Variants in MMP16 observed in about 807,000 individuals in gnomAD.
MMP16 encodes the protein matrix metalloproteinase-16.
MMP16 carries 12 observed loss-of-function variants against 67.8 expected under a neutral mutation model. That is an observed-to-expected ratio of 0.18 (90% CI 0.11 to 0.29). MMP16 has a LOEUF of 0.29. Ranked by LOEUF, MMP16 falls within the 10% of genes least tolerant of loss-of-function variation. The pLI is 1.00. For missense variants in MMP16, 475 were observed against 765.7 expected, an observed-to-expected ratio of 0.62 and a Z score of 4.48; for synonymous variants, 249 against 255.9, an observed-to-expected ratio of 0.97 and a Z score of 0.26.
chr8:88,164,020 G>T (rs529896894), intron 4 of MMP16, among the ~76,000 whole-genome samples: 2 of 152,068 alleles, frequency 1.3e-5, no homozygotes, highest in Admixed American at 1.3e-4. Context: ...TTTTCAAAAG[G>T]TATGACTATT....
intron 1 of MMP16, among the ~76,000 whole-genome samples, chr8:88,264,331 C>A (rs1272112749): frequency 3.9e-5 from 6 of 152,094 alleles, no homozygotes; most frequent in Non-Finnish European, 2.9e-5. Context: ...TCCCAAGTAC[C>A]TGGGACTGCA....
intron 1 of MMP16, among the ~76,000 whole-genome samples, chr8:88,313,057 T>C (rs75909341): frequency 0.13 from 20,460 of 152,272 alleles, 1,850 homozygotes; most frequent in African/African-American, 0.23. Flanking sequence ...CTCTTTTTAA[T>C]GGGCTTTGTT....
intron 9 of MMP16, among the ~76,000 whole-genome samples, chr8:88,043,781 G>A (rs758069273): frequency 2.0e-5 from 3 of 152,150 alleles, no homozygotes; most frequent in South Asian, 2.1e-4. Context: ...TTTTTCAGCC[G>A]AGAGTTGGTA....
intron 1 of MMP16, among the ~76,000 whole-genome samples, chr8:88,233,513 T>C (rs562064669): frequency 5.8e-4 from 89 of 152,344 alleles, no homozygotes; most frequent in Non-Finnish European, 9.3e-4. Flanking sequence ...AGTTCCTTGA[T>C]GGTCAGATCT....
intron 4 of MMP16, among the ~76,000 whole-genome samples, chr8:88,156,397 T>C (rs1808509642): frequency 6.6e-6 from 1 of 152,042 alleles, no homozygotes; most frequent in African/African-American, 2.4e-5. Context: ...ATCTCCACTG[T>C]GGATTATAAT....
rs1400226351 is a variant in MMP16, at chr8:88,167,883, C to T, written c.495G>A (p.Leu165=). 6.2e-7 allele frequency: 1 copy of T among 1,614,004 alleles called. No individual in the cohort carries two copies. The change falls in exon 4 of 10, where the codon CTG becomes CTA. Residue 165 remains leucine (L), a synonymous_variant. Coordinates refer to ENST00000286614, the MANE Select transcript of MMP16 (RefSeq NM_005941.5). ...AFDVWQNVTP[L]TFEEVPYSEL... is the part of the protein sequence containing the mutation. ...CACTGTAGGGAACTTCTTCAAATGT[C>T]AGAGGAGTTACATTCTGCCACACAT... is the stretch of plus-strand genomic sequence containing the variant.
chr8:88,190,604 C>T (rs1355684807), intron 2 of MMP16, among the ~76,000 whole-genome samples: 1 of 152,016 alleles, frequency 6.6e-6, no homozygotes, highest in Non-Finnish European at 1.5e-5. Flanking sequence ...TTGTTAGGCA[C>T]CAAAATGTTA....
intron 3 of MMP16, among the ~76,000 whole-genome samples, chr8:88,176,990 T>C (rs893123079): frequency 6.6e-6 from 1 of 152,234 alleles, no homozygotes; most frequent in African/African-American, 2.4e-5. Flanking sequence ...CAAACTTTCA[T>C]TATATTAAGT....
Position 88,069,962 on chromosome 8 carries a change from G to A in MMP16, c.1222+4643C>T, listed in dbSNP as rs1416046542. Among the ~76,000 whole-genome samples the A allele has an allele frequency of 2.0e-5, 3 of 152,030 alleles. No homozygotes were observed. The East Asian group carries it at 5.8e-4, about 29-fold the overall frequency. ...TTTGAGAGACACACTTACCAATTCT[G>A]GAAGCTTTTTGATTGACTGCAATCC... is the stretch of plus-strand genomic sequence containing the variant. On this transcript the variant is annotated intron_variant, in intron 7 of 9. Coordinates refer to ENST00000286614, the MANE Select transcript of MMP16 (RefSeq NM_005941.5).
chr8:88,244,859 A>T (rs1245014013), intron 1 of MMP16, among the ~76,000 whole-genome samples: 1 of 152,162 alleles, frequency 6.6e-6, no homozygotes, highest in Non-Finnish European at 1.5e-5. Context: ...CTCAGTTGAT[A>T]TTACTCAGAT....
chr8:88,082,205 C>T (rs1272867557), intron 6 of MMP16, among the ~76,000 whole-genome samples: 1 of 151,786 alleles, frequency 6.6e-6, no homozygotes, highest in African/African-American at 2.4e-5. Context: ...GGGAAAGATA[C>T]TCAACTTCAC....
At chr8:88,132,844 T>C (rs1808055233) in intron 4 of MMP16, among the ~76,000 whole-genome samples, 1 of 151,926 alleles carries the variant, frequency 6.6e-6, no homozygotes, top group Admixed American at 6.6e-5. Context: ...GTAACAATAG[T>C]GAATGCTACC....
intron 4 of MMP16, among the ~76,000 whole-genome samples, chr8:88,159,733 G>A (rs1563549610): frequency 6.6e-6 from 1 of 152,024 alleles, no homozygotes; most frequent in East Asian, 1.9e-4. Flanking sequence ...AATTCTTCTA[G>A]TTTTTGCCCA....
chr8:88,074,944 C>T (rs1808622529), intron 6 of MMP16, among the ~76,000 whole-genome samples: 1 of 152,128 alleles, frequency 6.6e-6, no homozygotes, highest in South Asian at 2.1e-4. Flanking sequence ...CTAAGCCATA[C>T]AGTGTGATTT....
intron 1 of MMP16, among the ~76,000 whole-genome samples, chr8:88,229,927 A>G (rs1809832583): frequency 6.6e-6 from 1 of 152,116 alleles, no homozygotes; most frequent in African/African-American, 2.4e-5. Flanking sequence ...ATTTTATCTT[A>G]TTTCTTCACC....
At chr8:88,081,403 C>T (rs1808749056) in intron 6 of MMP16, among the ~76,000 whole-genome samples, 1 of 152,108 alleles carries the variant, frequency 6.6e-6, no homozygotes, top group South Asian at 2.1e-4. Context: ...TTTTTAATAA[C>T]ACCCTATGTT....
chr8:88,063,313 T>C (rs1808424437), intron 7 of MMP16, among the ~76,000 whole-genome samples: 1 of 152,010 alleles, frequency 6.6e-6, no homozygotes, highest in East Asian at 1.9e-4. Context: ...GAGCCTATTA[T>C]AGTCTGTCAG....
chr8:88,201,405 T>C (rs1809343306), intron 1 of MMP16, among the ~76,000 whole-genome samples: 1 of 152,082 alleles, frequency 6.6e-6, no homozygotes, highest in Non-Finnish European at 1.5e-5. Context: ...GCAAGTTCCT[T>C]GTACCCTGTG....
At chr8:88,310,364 T>C (rs912901980) in intron 1 of MMP16, among the ~76,000 whole-genome samples, 4 of 152,088 alleles carry the variant, frequency 2.6e-5, no homozygotes, top group African/African-American at 9.7e-5. Flanking sequence ...ATAACTAAGA[T>C]AAATATGACC....
Sources: gnomAD v4.1 joint callset for allele counts (sites outside exome capture counted in the v4.1 genomes callset) on GRCh38, gnomAD v4.1.1 for gene constraint, MANE v1.5 for transcripts, NCBI Gene and HGNC (gene_info 2026-07-23, HGNC 2026-07-21) for gene names.